Variants in KIRREL3 observed in about 807,000 individuals in gnomAD.
The protein encoded by KIRREL3 is kin of IRRE-like protein 3.
A neutral mutation model predicts 89.7 loss-of-function variants in KIRREL3; 36 were observed. The ratio of observed to expected loss-of-function variants is 0.40; its 90% CI spans 0.31 to 0.53. KIRREL3 has a LOEUF of 0.53. Ranked by LOEUF, KIRREL3 falls within the 20% of genes least tolerant of loss-of-function variation. The probability of loss-of-function intolerance (pLI) is 0.49; values close to 1 mark genes in which losing one functional copy is unlikely to be tolerated. For synonymous variants in KIRREL3, 445 were observed against 441.4 expected, an observed-to-expected ratio of 1.01 and a Z score of -0.10; for missense variants, 864 against 1,056.6, an observed-to-expected ratio of 0.82 and a Z score of 2.53.
chr11:126,866,803 A>G (rs1362907253), intron 1 of KIRREL3, among the ~76,000 whole-genome samples: 2 of 152,134 alleles, frequency 1.3e-5, no homozygotes, highest in Admixed American at 6.5e-5. Context: ...GTCAGAGGAG[A>G]GTCTGACCAC....
chr11:126,959,666 TC>T (rs1949026118), intron 1 of KIRREL3, among the ~76,000 whole-genome samples: 1 of 152,168 alleles, frequency 6.6e-6, no homozygotes, highest in Non-Finnish European at 1.5e-5. Context: ...TTCTCCCGAA[TC>T]AGCCTGTCCA....
At chr11:126,701,785 T>C (rs1019275329) in intron 1 of KIRREL3, among the ~76,000 whole-genome samples, 17 of 152,078 alleles carry the variant, frequency 1.1e-4, no homozygotes, top group East Asian at 3.9e-4. Context: ...TGCTAAAAGT[T>C]TGGACAAATC....
intron 1 of KIRREL3, among the ~76,000 whole-genome samples, chr11:126,886,052 C>A (rs962440395): frequency 2.0e-5 from 3 of 152,182 alleles, no homozygotes; most frequent in African/African-American, 7.2e-5. Context: ...TGTCTTGACT[C>A]TTTTCCACTC....
chr11:126,714,818 C>T (rs187272133), intron 1 of KIRREL3, among the ~76,000 whole-genome samples: 19 of 152,266 alleles, frequency 1.2e-4, no homozygotes, highest in African/African-American at 4.6e-4. Context: ...GTCTCTGGGT[C>T]TGCTTTGAGG....
At position 126,830,481 on chromosome 11, in the gene KIRREL3, C is replaced by G. The variant is rs1433326445; in HGVS notation, c.55+169974G>C. Among the ~76,000 whole-genome samples, 1 of 152,190 alleles carries G rather than the reference C, an allele frequency of 6.6e-6. No individual in the cohort carries two copies. The highest frequency in any genetic ancestry group is 2.4e-5 in the African/African-American group (1 of 41,446). On this transcript the variant is annotated intron_variant, in intron 1 of 16. Coordinates refer to ENST00000525144, the MANE Select transcript of KIRREL3 (RefSeq NM_032531.4). This position sits in a 1 kb window ranked among gnomAD's most constrained non-coding sequence, Gnocchi z 4.9. Reference sequence around the variant, plus strand: ...AAATAGCATTAACATTTCTAAGTGACAGGCCTCTGAATTGGACTGCAAGGA... The same window carrying G: ...AAATAGCATTAACATTTCTAAGTGAGAGGCCTCTGAATTGGACTGCAAGGA...
In KIRREL3 at chr11:126,455,342, G is replaced by A. The variant is rs980830403; in HGVS notation, c.848+1007C>T. Among the ~76,000 whole-genome samples the A allele has an allele frequency of 1.3e-5, 2 of 152,240 alleles. No homozygotes were observed. The highest frequency in any genetic ancestry group is 4.8e-5 in the African/African-American group (2 of 41,456). Reference sequence around the variant, plus strand: ...GTGCCCAGGCAGAAAGGCGCCCAGAGGAAGCGTGTGTTTATTGGATCAGTC... The same window carrying A: ...GTGCCCAGGCAGAAAGGCGCCCAGAAGAAGCGTGTGTTTATTGGATCAGTC... On this transcript the variant is annotated intron_variant, in intron 7 of 16. Transcript: ENST00000525144. This position sits in a 1 kb window ranked among gnomAD's most constrained non-coding sequence, Gnocchi z 6.4.
chr11:126,510,007 A>AG (rs1314041442), intron 4 of KIRREL3, among the ~76,000 whole-genome samples: 63 of 150,152 alleles, frequency 4.2e-4, no homozygotes, highest in South Asian at 8.4e-4. Flanking sequence ...AAAAAAAAAA[A>AG]AAAAAAAAAA....
intron 4 of KIRREL3, among the ~76,000 whole-genome samples, chr11:126,504,718 G>A (rs1464195209): frequency 6.6e-6 from 1 of 152,094 alleles, no homozygotes; most frequent in Non-Finnish European, 1.5e-5. Context: ...GAGAACTATA[G>A]ACTATTGTCC....
chr11:126,515,778 G>A lies in KIRREL3; in HGVS notation c.433+5537C>T, dbSNP rs1958391521. ...CAGGGAGCTTGGGTTTTGTTCTGTGGGGACACTTTCTCGCCCCTGAAGAAC... is the reference window on the plus strand; with the variant it reads ...CAGGGAGCTTGGGTTTTGTTCTGTGAGGACACTTTCTCGCCCCTGAAGAAC... On this transcript the variant is annotated intron_variant, in intron 4 of 16. Coordinates refer to ENST00000525144, the MANE Select transcript of KIRREL3 (RefSeq NM_032531.4). The surrounding 1 kb of genome is among the most constrained non-coding windows in gnomAD (Gnocchi z 4.2). Among the ~76,000 whole-genome samples, 1 of 152,102 alleles carries A rather than the reference G, an allele frequency of 6.6e-6. No homozygotes were observed.
In KIRREL3 at chr11:126,489,344, A is replaced by C. The variant is rs1316881778; in HGVS notation, c.434-15878T>G. ...CGGAGCAGGTGCTCAACAGATGAGC[A>C]CCCCATCAATGATGGAAGGGTAAGA... On this transcript the variant is annotated intron_variant, in intron 4 of 16. Coordinates refer to ENST00000525144, the MANE Select transcript of KIRREL3 (RefSeq NM_032531.4). This position sits in a 1 kb window ranked among gnomAD's most constrained non-coding sequence, Gnocchi z 5.5. 6.6e-6 allele frequency among the ~76,000 whole-genome samples: 1 copy of C among 152,068 alleles called. No homozygotes were observed. Among genetic ancestry groups the C allele is most frequent in the Non-Finnish European group, 1.5e-5 (1 of 68,012 alleles).
chr11:126,543,022 GC>G (rs1938496978), intron 2 of KIRREL3, among the ~76,000 whole-genome samples: 1 of 152,008 alleles, frequency 6.6e-6, no homozygotes, highest in Non-Finnish European at 1.5e-5. Flanking sequence ...CCCATCATCA[GC>G]CCCCATGTAG....
At chr11:126,831,425 C>T (rs1015792776) in intron 1 of KIRREL3, among the ~76,000 whole-genome samples, 1 of 93,990 alleles carries the variant, frequency 1.1e-5, no homozygotes, top group South Asian at 5.0e-4. Context: ...CTCTCTCTAT[C>T]TCTCTCTCTT....
In KIRREL3 at chr11:126,441,045, G is replaced by A. The variant is rs1955545300; in HGVS notation, c.1253-496C>T. Among the ~76,000 whole-genome samples the A allele has an allele frequency of 6.6e-6, 1 of 152,234 alleles. No individual in the cohort carries two copies. Among genetic ancestry groups the A allele is most frequent in the South Asian group, 2.1e-4 (1 of 4,830 alleles). On this transcript the variant is annotated intron_variant, in intron 10 of 16. Transcript: ENST00000525144. This position sits in a 1 kb window ranked among gnomAD's most constrained non-coding sequence, Gnocchi z 5.0. ...CTTGCCTAACAAATGGGAGCTGCTC[G>A]GCCAGACGGGCCAACGGGAAGAAAT...
At chr11:126,962,374 T>C (rs1184021476) in intron 1 of KIRREL3, among the ~76,000 whole-genome samples, 10 of 152,140 alleles carry the variant, frequency 6.6e-5, no homozygotes, top group Non-Finnish European at 1.0e-4. Context: ...CGGATGACTT[T>C]GAGGGGTTCA....
At chr11:126,826,784 A>C (rs938513444) in intron 1 of KIRREL3, among the ~76,000 whole-genome samples, 1 of 152,180 alleles carries the variant, frequency 6.6e-6, no homozygotes, top group Admixed American at 6.5e-5. Context: ...ACAGGATTCA[A>C]ATGTTTAGAC....
At chr11:126,932,772 A>T (rs576039196) in intron 1 of KIRREL3, among the ~76,000 whole-genome samples, 1 of 152,348 alleles carries the variant, frequency 6.6e-6, no homozygotes, top group Non-Finnish European at 1.5e-5. Context: ...CTCAACCTAC[A>T]AAATTGTAAT....
At position 126,473,601 on chromosome 11, in the gene KIRREL3, A is replaced by G; in HGVS notation, c.434-135T>C. ...TTAATAAAACGCATCGTCCGCTTGTATCGTAATGATGAGAGCAGCACCCAC... is the reference window on the plus strand; with the variant it reads ...TTAATAAAACGCATCGTCCGCTTGTGTCGTAATGATGAGAGCAGCACCCAC... On this transcript the variant is annotated intron_variant, in intron 4 of 16. Transcript: ENST00000525144. The G allele has an allele frequency of 4.1e-6, 3 of 725,152 alleles. No individual in the cohort carries two copies. In the South Asian group the frequency reaches 6.5e-5, roughly 16 times the overall value. 44.9% of individuals were successfully genotyped at this position (725,152 alleles called of 1,614,324 possible).
chr11:126,452,766 G>A (rs1386827595), intron 7 of KIRREL3, among the ~76,000 whole-genome samples: 1 of 152,178 alleles, frequency 6.6e-6, no homozygotes, highest in Non-Finnish European at 1.5e-5. Context: ...CCGCTGTCGG[G>A]GCTGGGTCCG....
Position 126,623,726 on chromosome 11 carries a change from A to G in KIRREL3, c.56-60814T>C, listed in dbSNP as rs1446343979. The stretch of plus-strand genomic sequence containing the variant: ...GACCAGGCAAAGCAGGCGAGGAGAA[A>G]GCCATTGAATAAATACTAAGCTAGA... On this transcript the variant is annotated intron_variant, in intron 1 of 16. Transcript: ENST00000525144. The surrounding 1 kb of genome is among the most constrained non-coding windows in gnomAD (Gnocchi z 4.1). Among the ~76,000 whole-genome samples the G allele has an allele frequency of 2.0e-5, 3 of 152,180 alleles. No homozygotes were observed. Among genetic ancestry groups the G allele is most frequent in the African/African-American group, 4.8e-5 (2 of 41,430 alleles).
Sources: allele counts gnomAD v4.1 joint callset (sites outside exome capture counted in the v4.1 genomes callset), GRCh38; gene constraint gnomAD v4.1.1; non-coding constraint Gnocchi (gnomAD v3.1); transcripts MANE v1.5; gene names NCBI Gene and HGNC (gene_info 2026-07-23, HGNC 2026-07-21).